THRB: variants seen among roughly 807,000 people sequenced by gnomAD.
THRB encodes nuclear receptor subfamily 1 group A member 2.
THRB carries 12 observed loss-of-function variants against 47.8 expected under a neutral mutation model. That is an observed-to-expected ratio of 0.25 (90% CI 0.16 to 0.41). The LOEUF (loss-of-function observed/expected upper bound fraction) is 0.41, where lower values mean the gene tolerates loss of function less well. THRB is among the 10% of genes least tolerant of loss of function. THRB has a pLI of 1.00. For missense variants in THRB, 348 were observed against 589.2 expected, an observed-to-expected ratio of 0.59 and a Z score of 4.24; for synonymous variants, 218 against 212.2, an observed-to-expected ratio of 1.03 and a Z score of -0.24.
intron 3 of THRB, among the ~76,000 whole-genome samples, chr3:24,288,733 T>C (rs147349160): frequency 1.6e-4 from 24 of 152,306 alleles, no homozygotes; most frequent in African/African-American, 5.5e-4. Flanking sequence ...TCCCAACACA[T>C]AAGTGGGTTG....
chr3:24,412,090 T>C (rs1245303074), intron 1 of THRB, among the ~76,000 whole-genome samples: 1 of 151,824 alleles, frequency 6.6e-6, no homozygotes, highest in Non-Finnish European at 1.5e-5. Flanking sequence ...TATGAGTTAT[T>C]AAAAAATATT....
intron 9 of THRB, among the ~76,000 whole-genome samples, chr3:24,128,215 T>C (rs1372742983): frequency 6.6e-6 from 1 of 152,238 alleles, no homozygotes; most frequent in Non-Finnish European, 1.5e-5. Flanking sequence ...CTTTTGGTTT[T>C]TGAAGCACGT....
In THRB at chr3:24,153,721, A is replaced by G. The variant is rs190316754; in HGVS notation, c.284-1231T>C. Among the ~76,000 whole-genome samples the G allele has an allele frequency of 1.5e-3, 236 of 152,290 alleles. 1 individual carries two copies. Among genetic ancestry groups the G allele is most frequent in the South Asian group, 6.0e-3 (29 of 4,824 alleles). ...TCTATCAATGGTTTACCATTGATAA[A>G]TTATGTGATATATAGAATCACACAG... is the stretch of plus-strand genomic sequence containing the variant. On this transcript the variant is annotated intron_variant, in intron 5 of 10. Coordinates refer to ENST00000646209, the MANE Select transcript of THRB (RefSeq NM_001354712.2).
intron 1 of THRB, among the ~76,000 whole-genome samples, chr3:24,340,472 A>T (rs2062559348): frequency 6.9e-6 from 1 of 144,822 alleles, no homozygotes. Context: ...GATTGATTGC[A>T]TTGTATTAGT....
intron 1 of THRB, among the ~76,000 whole-genome samples, chr3:24,420,725 A>G (rs969197177): frequency 6.6e-6 from 1 of 152,042 alleles, no homozygotes; most frequent in Non-Finnish European, 1.5e-5. Flanking sequence ...GTTGCAGAGT[A>G]AAAGGAACAC....
At chr3:24,411,328 C>T (rs771030824) in intron 1 of THRB, among the ~76,000 whole-genome samples, 5 of 151,690 alleles carry the variant, frequency 3.3e-5, no homozygotes, top group African/African-American at 2.4e-5. Flanking sequence ...GTTATCAAAT[C>T]GACAACTTTT....
intron 1 of THRB, among the ~76,000 whole-genome samples, chr3:24,462,793 G>A (rs765841459): frequency 6.6e-6 from 1 of 152,172 alleles, no homozygotes; most frequent in Non-Finnish European, 1.5e-5. Context: ...TTTTCAAATG[G>A]CATTGAAAGA....
At chr3:24,413,001 A>G (rs1422222260) in intron 1 of THRB, among the ~76,000 whole-genome samples, 3 of 151,984 alleles carry the variant, frequency 2.0e-5, no homozygotes, top group Middle Eastern at 3.4e-3. Context: ...AACTTTAAAT[A>G]CAAAGGAGCA....
chr3:24,205,186 C>T (rs1345443493), intron 4 of THRB, among the ~76,000 whole-genome samples: 2 of 152,076 alleles, frequency 1.3e-5, no homozygotes, highest in African/African-American at 4.8e-5. Flanking sequence ...AGAGCAACTC[C>T]AAGACACATA....
chr3:24,478,020 G>A (rs1210881739), intron 1 of THRB, among the ~76,000 whole-genome samples: 2 of 151,738 alleles, frequency 1.3e-5, no homozygotes, highest in Non-Finnish European at 1.5e-5. Context: ...CTTAAACTGT[G>A]AAATTCACTT....
chr3:24,319,922 A>T (rs1188507791), intron 2 of THRB, among the ~76,000 whole-genome samples: 1 of 152,226 alleles, frequency 6.6e-6, no homozygotes, highest in East Asian at 1.9e-4. Flanking sequence ...AACTCAGTGT[A>T]TTCAAACAAC....
intron 3 of THRB, among the ~76,000 whole-genome samples, chr3:24,265,800 T>C (rs1365969143): frequency 6.6e-6 from 1 of 152,172 alleles, no homozygotes; most frequent in Non-Finnish European, 1.5e-5. Flanking sequence ...TTTCAAGGAA[T>C]ATGTAAGGCT....
chr3:24,434,538 G>A (rs769845325), intron 1 of THRB, among the ~76,000 whole-genome samples: 7 of 152,178 alleles, frequency 4.6e-5, no homozygotes, highest in Admixed American at 1.3e-4. Context: ...ACTGTGAAAA[G>A]GCTTTGCCAT....
Position 24,316,739 on chromosome 3 carries a change from C to T in THRB, c.-188-19368G>A, listed in dbSNP as rs988783067. 2.6e-5 allele frequency among the ~76,000 whole-genome samples: 4 copies of T among 152,092 alleles called. No homozygotes were observed. The East Asian group carries it at 5.8e-4, about 22-fold the overall frequency. On this transcript the variant is annotated intron_variant, in intron 2 of 10. Coordinates refer to ENST00000646209, the MANE Select transcript of THRB (RefSeq NM_001354712.2). ...TTCTCAGCTTCACATACAAGACCCC[C>T]GCTCCCAGCCCCAAGTACCACCTTC...
chr3:24,270,780 T>G (rs1007372968), intron 3 of THRB, among the ~76,000 whole-genome samples: 1 of 152,230 alleles, frequency 6.6e-6, no homozygotes, highest in African/African-American at 2.4e-5. Flanking sequence ...CCTCTGGATC[T>G]TTTTGTAAAG....
chr3:24,485,535 T>C (rs1026750914), intron 1 of THRB, among the ~76,000 whole-genome samples: 9 of 152,192 alleles, frequency 5.9e-5, no homozygotes, highest in African/African-American at 1.9e-4. Flanking sequence ...AAGAACTCTT[T>C]TAAAATAAAA....
intron 1 of THRB, among the ~76,000 whole-genome samples, chr3:24,363,685 G>A (rs1486941795): frequency 6.6e-6 from 1 of 152,164 alleles, no homozygotes; most frequent in African/African-American, 2.4e-5. Flanking sequence ...TGATGAGTTT[G>A]ACAGACAAGA....
chr3:24,397,055 G>A (rs2067018075), intron 1 of THRB, among the ~76,000 whole-genome samples: 1 of 152,008 alleles, frequency 6.6e-6, no homozygotes, highest in South Asian at 2.1e-4. Context: ...TAAAAGTCAG[G>A]ACCCAGGGAA....
intron 3 of THRB, among the ~76,000 whole-genome samples, chr3:24,269,442 C>T (rs826234): frequency 0.5 from 69,548 of 139,716 alleles, 18,066 homozygotes; most frequent in Middle Eastern, 0.59. Context: ...CACACACACA[C>T]TTAAGTTATC....
Sources: allele counts gnomAD v4.1 joint callset (sites outside exome capture counted in the v4.1 genomes callset), GRCh38; gene constraint gnomAD v4.1.1; transcripts MANE v1.5; gene names NCBI Gene and HGNC (gene_info 2026-07-23, HGNC 2026-07-21).